Variants in BIN2 observed in about 807,000 individuals in gnomAD.
BIN2 encodes breast cancer associated protein BRAP1.
BIN2 carries 43 observed loss-of-function variants against 67.9 expected under a neutral mutation model. The observed-to-expected ratio is 0.63, with a 90% confidence interval of 0.50 to 0.82. The LOEUF is 0.82. BIN2 is among the 40% of genes least tolerant of loss of function. The pLI is 0.00. For synonymous variants in BIN2, 244 were observed against 246.8 expected, an observed-to-expected ratio of 0.99 and a Z score of 0.11; for missense variants, 581 against 671.6, an observed-to-expected ratio of 0.87 and a Z score of 1.49.
intron 1 of BIN2, among the ~76,000 whole-genome samples, chr12:51,318,719 C>T (rs760910585): frequency 6.6e-6 from 1 of 152,178 alleles, no homozygotes; most frequent in African/African-American, 2.4e-5. Flanking sequence ...TTTTGAGCCT[C>T]GGTTTACAGA....
intron 4 of BIN2, 195 bp downstream of exon 4, chr12:51,302,491 C>T: frequency 1.7e-6 from 1 of 576,268 alleles, no homozygotes; most frequent in Non-Finnish European, 3.1e-6. Flanking sequence ...TAGAGGGATC[C>T]ACAGATTAGG....
chr12:51,295,577 A>AAAATATATATAT (rs1945533462), intron 9 of BIN2, among the ~76,000 whole-genome samples: 1 of 29,562 alleles, frequency 3.4e-5, no homozygotes, highest in Non-Finnish European at 6.1e-5. Flanking sequence ...AAAAAAAAAA[A>AAAATATATATAT]ATATATATAT....
At chr12:51,303,577 C>T (rs563624618) in intron 2 of BIN2, among the ~76,000 whole-genome samples, 1 of 152,318 alleles carries the variant, frequency 6.6e-6, no homozygotes, top group South Asian at 2.1e-4. Context: ...TCTGACTTGT[C>T]TCACTTTACC....
intron 1 of BIN2, among the ~76,000 whole-genome samples, chr12:51,320,936 A>ACACACACACACACACACACAC (rs1031506424): frequency 0.035 from 4,820 of 138,484 alleles, 264 homozygotes; most frequent in Middle Eastern, 0.054. Context: ...TCATACTAAA[A>ACACACACACACACACACACAC]ACACACACAC....
chr12:51,301,087 G>A (rs1247696865), intron 5 of BIN2, among the ~76,000 whole-genome samples: 7 of 152,008 alleles, frequency 4.6e-5, no homozygotes, highest in Admixed American at 1.3e-4. Context: ...GCTTGGTGAC[G>A]CATGCCTGTA....
intron 2 of BIN2, among the ~76,000 whole-genome samples, chr12:51,304,996 C>A (rs372075302): frequency 2.7e-5 from 4 of 149,364 alleles, no homozygotes; most frequent in African/African-American, 7.4e-5. Flanking sequence ...CCAGGCTGGG[C>A]GACAGAGCCA....
intron 1 of BIN2, among the ~76,000 whole-genome samples, chr12:51,321,096 G>A (rs1476219367): frequency 2.0e-5 from 3 of 151,810 alleles, no homozygotes; most frequent in African/African-American, 7.3e-5. Flanking sequence ...TTCAGAGGAT[G>A]CCTGAACAAA....
At chr12:51,300,585 A>T (rs1945696413) in intron 5 of BIN2, among the ~76,000 whole-genome samples, 1 of 152,194 alleles carries the variant, frequency 6.6e-6, no homozygotes, top group Admixed American at 6.5e-5. Context: ...GCTATAAATT[A>T]CTATGACCAC....
intron 1 of BIN2, among the ~76,000 whole-genome samples, chr12:51,316,235 G>A (rs900834551): frequency 4.0e-5 from 6 of 151,738 alleles, no homozygotes; most frequent in Admixed American, 6.6e-5. Context: ...TCATGCGCCC[G>A]GCCTTGGGAG....
chr12:51,315,231 A>G (rs867071588), intron 1 of BIN2, among the ~76,000 whole-genome samples: 13 of 151,206 alleles, frequency 8.6e-5, no homozygotes, highest in African/African-American at 2.4e-4. Flanking sequence ...GTGCAGTGGC[A>G]CTATCTCGGC....
chr12:51,293,357 G>A lies in BIN2; in HGVS notation c.762-1013C>T, dbSNP rs180692171. 2.0e-4 allele frequency among the ~76,000 whole-genome samples: 31 copies of A among 151,896 alleles called. No homozygotes were observed. In the East Asian group the frequency reaches 5.4e-3, roughly 27 times the overall value. ...TGGAGTCTCGCTCTGTCGCCCAGGC[G>A]GGAGTGCAGTGGCGCGATCTCGGCT... On this transcript the variant is annotated intron_variant, in intron 9 of 12. Transcript: ENST00000615107.
intron 9 of BIN2, among the ~76,000 whole-genome samples, chr12:51,292,903 G>A (rs1266698402): frequency 6.6e-6 from 1 of 152,138 alleles, no homozygotes; most frequent in African/African-American, 2.4e-5. Flanking sequence ...TGGCCCCCAA[G>A]CTGTAGTGCT....
At chr12:51,299,076 A>G (rs1225533366) in intron 7 of BIN2, 127 bp downstream of exon 7, 8 of 250,080 alleles carry the variant, frequency 3.2e-5, no homozygotes, top group African/African-American at 8.4e-5. Context: ...CCCTGTCTCG[A>G]AAAAAAAAAA....
At position 51,292,157 on chromosome 12, in the gene BIN2, C is replaced by T; in HGVS notation, c.949G>A (p.Glu317Lys). 1 of 1,613,970 alleles carries T rather than the reference C, an allele frequency of 6.2e-7. No homozygotes were observed. The highest frequency in any genetic ancestry group is 2.2e-5 in the East Asian group (1 of 44,858). Reference sequence around the variant, plus strand: ...CCTTCCTTCTCTATTTCCTCCTCTTCTAAGAGCTCCTTGATCTCAGAATTG... The same window carrying T: ...CCTTCCTTCTCTATTTCCTCCTCTTTTAAGAGCTCCTTGATCTCAGAATTG... ...EDNSEIKELL[E>K]EEEIEKEGSE... Residue 317 changes from glutamate to lysine, a missense_variant, in exon 10 of 13, where the codon GAA (glutamate) becomes AAA (lysine). By Grantham distance (56) the Glu-to-Lys change is moderately conservative. Transcript: ENST00000615107.
Position 51,302,730 on chromosome 12 carries a change from T to C in BIN2, c.268A>G (p.Ser90Gly). Residue 90 changes from serine (S) to glycine (G), a missense_variant, in exon 4 of 13, where the codon AGC becomes GGC. By Grantham distance (56) the Ser-to-Gly change is moderately conservative. Transcript: ENST00000615107. Reference protein sequence around the residue: ...RVSETLQEIYSSEWDGHEELK... With the variant: ...RVSETLQEIYGSEWDGHEELK... ...TCCTCATGACCGTCCCACTCGCTGC[T>C]GTAGATCTCCTGCAGGGTTTCTGAC... 1 of 1,614,184 alleles carries C rather than the reference T, an allele frequency of 6.2e-7. No homozygotes were observed. The highest frequency in any genetic ancestry group is 8.5e-7 in the Non-Finnish European group (1 of 1,180,002).
chr12:51,324,324 CGCTCGCTCGAGGCCA>C, upstream of BIN2: 1 of 1,342,312 alleles, frequency 7.4e-7, no homozygotes, highest in South Asian at 1.6e-5. Flanking sequence ...CCTCAGGCAG[CGCTCGCTCGAGGCCA>C]GCTTCCGAGC....
intron 2 of BIN2, among the ~76,000 whole-genome samples, 185 bp downstream of exon 2, chr12:51,313,638 G>A (rs1018362345): frequency 6.6e-6 from 1 of 152,154 alleles, no homozygotes; most frequent in Non-Finnish European, 1.5e-5. Flanking sequence ...ACTGCGCCTG[G>A]CTGGTAAATT....
intron 10 of BIN2, among the ~76,000 whole-genome samples, chr12:51,289,372 T>A (rs1176702656): frequency 2.0e-5 from 3 of 151,932 alleles, no homozygotes; most frequent in Admixed American, 6.6e-5. Flanking sequence ...CCCAGCACTT[T>A]GGGAGGCGGA....
intron 10 of BIN2, 91 bp from the exon 11 acceptor site, chr12:51,288,279 A>G: frequency 1.0e-6 from 1 of 995,150 alleles, no homozygotes. Flanking sequence ...AGCTCCTCTC[A>G]GATATCAGGA....
Sources: allele counts gnomAD v4.1 joint callset (sites outside exome capture counted in the v4.1 genomes callset), GRCh38; gene constraint gnomAD v4.1.1; transcripts MANE v1.5; gene names NCBI Gene and HGNC (gene_info 2026-07-23, HGNC 2026-07-21).